CNTRL: variants seen among roughly 807,000 people sequenced by gnomAD.
CNTRL encodes centriolin.
CNTRL carries 233 observed loss-of-function variants against 303.7 expected under a neutral mutation model. The ratio of observed to expected loss-of-function variants is 0.77; its 90% CI spans 0.69 to 0.86. The LOEUF (loss-of-function observed/expected upper bound fraction) is 0.86, where lower values mean the gene tolerates loss of function less well. Among genes scored for constraint, CNTRL ranks in the 40% least tolerant of loss-of-function variants. The pLI, the probability that CNTRL is intolerant of heterozygous loss-of-function variation, is 0.00. For missense variants in CNTRL, 2,524 were observed against 2,650.6 expected (o/e 0.95, Z 1.05); for synonymous variants, 900 against 922.2 (o/e 0.98, Z 0.44).
chr9:121,123,307 CG>C (rs1313468839), intron 12 of CNTRL, among the ~76,000 whole-genome samples: 1 of 152,066 alleles, frequency 6.6e-6, no homozygotes, highest in Admixed American at 6.6e-5. Context: ...AGGCTGGGCA[CG>C]GTGGCTCATG....
At chr9:121,120,131 A>G (rs1191992965) in intron 12 of CNTRL, among the ~76,000 whole-genome samples, 1 of 150,304 alleles carries the variant, frequency 6.7e-6, no homozygotes, top group Non-Finnish European at 1.5e-5. Context: ...TTTTTTTTTT[A>G]AAGAACTTTA....
chr9:121,131,209 C>G (rs2050835565), intron 14 of CNTRL, among the ~76,000 whole-genome samples: 1 of 152,156 alleles, frequency 6.6e-6, no homozygotes, highest in Non-Finnish European at 1.5e-5. Flanking sequence ...TCTTGTTGAT[C>G]TGTCTAATAT....
In CNTRL at chr9:121,096,433, G is replaced by C; in HGVS notation, c.491G>C (p.Gly164Ala). The C allele has an allele frequency of 2.6e-6, 4 of 1,533,484 alleles. No homozygotes were observed. Among genetic ancestry groups the C allele is most frequent in the Non-Finnish European group, 3.5e-6 (4 of 1,136,416 alleles). 95.0% of individuals were successfully genotyped at this position (1,533,484 alleles called of 1,614,324 possible). A position where few individuals can be genotyped will look rare whatever the true frequency, so the allele number is the denominator to read the frequency against. The change falls in exon 6 of 44, where the codon GGC becomes GCC. Residue 164 changes from glycine to alanine, a missense_variant. Transcript: ENST00000373855. The part of the protein sequence containing the change: ...LSYNKISKIE[G>A]IENMCNLQKL... ...CCTTTGCTTTCCAGCAAAATTGAAG[G>C]CATAGAAAATATGTGTAATCTGCAA...
At position 121,154,789 on chromosome 9, in the gene CNTRL, A is replaced by T. The variant is rs752947261; in HGVS notation, c.4241A>T (p.His1414Leu). The change falls in exon 27 of 44, where the codon CAT (histidine) becomes CTT (leucine). Residue 1414 changes from histidine to leucine, a missense_variant. His to Leu is a moderately conservative substitution (Grantham distance 99). Transcript: ENST00000373855. ...GAAATAGAAAAATCACTCAAACATC[A>T]TGAAGATATTGTAGATGAAATTGAG... ...ELEIEKSLKH[H>L]EDIVDEIECI... 1.9e-6 allele frequency: 3 copies of T among 1,612,052 alleles called. No homozygotes were observed. Among genetic ancestry groups the T allele is most frequent in the Non-Finnish European group, 2.5e-6 (3 of 1,178,080 alleles).
At position 121,138,696 on chromosome 9, in the gene CNTRL, T is replaced by A. The variant is rs2051331927; in HGVS notation, c.2337+17T>A. The A allele has an allele frequency of 1.2e-6, 2 of 1,612,290 alleles. No homozygotes were observed. The highest frequency in any genetic ancestry group is 2.7e-5 in the African/African-American group (2 of 74,922). ...CACTTGCAGGTAGAGATTTGTTGTT[T>A]TAGAATACATTCTTACACAGAACAC... On this transcript the variant is annotated intron_variant, in intron 16 of 43. Coordinates refer to ENST00000373855, the MANE Select transcript of CNTRL (RefSeq NM_007018.6).
intron 23 of CNTRL, among the ~76,000 whole-genome samples, chr9:121,147,736 A>G (rs559542742): frequency 9.4e-4 from 143 of 152,374 alleles, no homozygotes; most frequent in African/African-American, 3.3e-3. Flanking sequence ...GAAGCAGCTC[A>G]GACACACTAG....
chr9:121,098,246 T>A, intron 6 of CNTRL, 140 bp from the exon 7 acceptor site: 1 of 633,742 alleles, frequency 1.6e-6, no homozygotes, highest in South Asian at 2.0e-5. Flanking sequence ...ATACTCCCTT[T>A]CCTGACACCA....
intron 11 of CNTRL, among the ~76,000 whole-genome samples, chr9:121,117,544 TAG>T (rs1211422026): frequency 2.0e-5 from 3 of 152,224 alleles, no homozygotes; most frequent in Non-Finnish European, 4.4e-5. Flanking sequence ...TGAAATTGTC[TAG>T]AGTCACACAA....
chr9:121,156,372 G>A (rs1424229859), intron 27 of CNTRL, among the ~76,000 whole-genome samples: 1 of 152,066 alleles, frequency 6.6e-6, no homozygotes, highest in Non-Finnish European at 1.5e-5. Context: ...GTGGTGTTTT[G>A]GAAGGAGTGT....
At position 121,112,445 on chromosome 9, in the gene CNTRL, A is replaced by T. The variant is rs747692478; in HGVS notation, c.1003-14A>T. 1 of 1,611,194 alleles carries T rather than the reference A, an allele frequency of 6.2e-7. No individual in the cohort carries two copies. Reference sequence around the variant, plus strand: ...TGATCCTGTATGTTGTCTCATATCAAATTGGGCCAATAGCTAAAACAGAAG... The same window carrying T: ...TGATCCTGTATGTTGTCTCATATCATATTGGGCCAATAGCTAAAACAGAAG... On this transcript the variant is annotated splice_polypyrimidine_tract_variant and intron_variant, in intron 8 of 43. Transcript: ENST00000373855.
At chr9:121,091,809 A>G (rs2132334116) in intron 4 of CNTRL, among the ~76,000 whole-genome samples, 1 of 149,364 alleles carries the variant, frequency 6.7e-6, no homozygotes, top group East Asian at 2.0e-4. Context: ...GCGCCATTGT[A>G]CTCTAGCCTG....
At position 121,164,943 on chromosome 9, in the gene CNTRL, G is replaced by A; in HGVS notation, c.5424G>A (p.Arg1808=). The A allele has an allele frequency of 8.7e-6, 14 of 1,610,276 alleles. No individual in the cohort carries two copies. Among genetic ancestry groups the A allele is most frequent in the Non-Finnish European group, 1.2e-5 (14 of 1,178,792 alleles). ...CAGTCTGACTTACTCTCTGTGGTAGGGTTTTAGCAGCAGCAGAAGAAAATA... is the reference window on the plus strand; with the variant it reads ...CAGTCTGACTTACTCTCTGTGGTAGAGTTTTAGCAGCAGCAGAAGAAAATA... ...IWEKKLAQTK[R]VLAAAEENSK... Residue 1808 remains arginine, a splice_region_variant and synonymous_variant, in exon 35 of 44, where the codon AGG becomes AGA. Coordinates refer to ENST00000373855, the MANE Select transcript of CNTRL (RefSeq NM_007018.6).
chr9:121,075,912 TTCGTTC>T (rs1291805513), intron 1 of CNTRL, among the ~76,000 whole-genome samples: 1 of 152,146 alleles, frequency 6.6e-6, no homozygotes, highest in Non-Finnish European at 1.5e-5. Flanking sequence ...CTCAGGCTGT[TTCGTTC>T]CAGAATCCAA....
At chr9:121,172,418 A>T (rs2053348553) in intron 40 of CNTRL, among the ~76,000 whole-genome samples, 1 of 152,122 alleles carries the variant, frequency 6.6e-6, no homozygotes, top group South Asian at 2.1e-4. Flanking sequence ...AGATAGGTGG[A>T]TCGCTTGAGC....
intron 43 of CNTRL, among the ~76,000 whole-genome samples, chr9:121,175,926 G>C (rs2053506275): frequency 6.6e-6 from 1 of 152,160 alleles, no homozygotes; most frequent in South Asian, 2.1e-4. Flanking sequence ...TACAGAGTTG[G>C]AATTCAGACC....
chr9:121,171,221 T>C (rs1323575655), intron 39 of CNTRL, 187 bp from the exon 40 acceptor site: 2 of 682,522 alleles, frequency 2.9e-6, no homozygotes, highest in East Asian at 5.7e-5. Flanking sequence ...TAACAGACTC[T>C]GACGTGTATA....
At chr9:121,079,504 A>G (rs1245606540) in intron 1 of CNTRL, among the ~76,000 whole-genome samples, 2 of 152,184 alleles carry the variant, frequency 1.3e-5, no homozygotes, top group Non-Finnish European at 2.9e-5. Flanking sequence ...GCTGCCTCCA[A>G]AAAAATAAAA....
chr9:121,118,228 A>G (rs1469222859), intron 11 of CNTRL, 118 bp from the exon 12 acceptor site: 4 of 776,130 alleles, frequency 5.2e-6, no homozygotes, highest in Non-Finnish European at 7.4e-6. Flanking sequence ...CCCACATTTC[A>G]CTTTTATTTT....
chr9:121,136,131 A>G (rs2051178434), intron 15 of CNTRL, 149 bp downstream of exon 15: 1 of 668,646 alleles, frequency 1.5e-6, no homozygotes, highest in Admixed American at 3.1e-5. Context: ...GGAGTCAGAC[A>G]TTGTGAGTGC....
Sources: allele counts gnomAD v4.1 joint callset (sites outside exome capture counted in the v4.1 genomes callset), GRCh38; gene constraint gnomAD v4.1.1; transcripts MANE v1.5; gene names NCBI Gene and HGNC (gene_info 2026-07-23, HGNC 2026-07-21).